NRG3: variants seen among roughly 807,000 people sequenced by gnomAD.
NRG3 encodes the protein pro-neuregulin-3, membrane-bound isoform.
A neutral mutation model predicts 66.9 loss-of-function variants in NRG3; 31 were observed. The ratio of observed to expected loss-of-function variants is 0.46; its 90% CI spans 0.35 to 0.63. The LOEUF (loss-of-function observed/expected upper bound fraction) is 0.63, where lower values mean the gene tolerates loss of function less well. Among genes scored for constraint, NRG3 ranks in the 20% least tolerant of loss-of-function variants. NRG3 has a pLI of 0.00. For missense variants in NRG3, 910 were observed against 878.9 expected, an observed-to-expected ratio of 1.04 and a Z score of -0.45; for synonymous variants, 393 against 359.4, an observed-to-expected ratio of 1.09 and a Z score of -1.06.
chr10:82,582,812 G>A (rs2046441174), intron 2 of NRG3, among the ~76,000 whole-genome samples: 1 of 152,002 alleles, frequency 6.6e-6, no homozygotes, highest in Non-Finnish European at 1.5e-5. Context: ...TGGTCAAAGT[G>A]CTTTACATTT....
At chr10:82,513,424 C>T (rs1281447703) in intron 2 of NRG3, among the ~76,000 whole-genome samples, 2 of 152,142 alleles carry the variant, frequency 1.3e-5, no homozygotes, top group Non-Finnish European at 2.9e-5. Flanking sequence ...TATATGCGTG[C>T]ATGTATCTGT....
intron 1 of NRG3, among the ~76,000 whole-genome samples, chr10:82,059,503 T>TAGGA (rs2064021609): frequency 6.6e-6 from 1 of 152,056 alleles, no homozygotes; most frequent in South Asian, 2.1e-4. Context: ...AAAAACGTGA[T>TAGGA]AGAAGGAGGA....
intron 1 of NRG3, among the ~76,000 whole-genome samples, chr10:82,346,209 G>A (rs2083012075): frequency 6.7e-6 from 1 of 149,114 alleles, no homozygotes; most frequent in Non-Finnish European, 1.5e-5. Context: ...GTTTGTCATA[G>A]ATAGCTCTTA....
chr10:82,582,497 G>A lies in NRG3; in HGVS notation c.954-156080G>A, dbSNP rs185857535. 1.7e-4 allele frequency among the ~76,000 whole-genome samples: 26 copies of A among 152,136 alleles called. No homozygotes were observed. In the East Asian group the frequency reaches 4.3e-3, roughly 25 times the overall value. On this transcript the variant is annotated intron_variant, in intron 2 of 8. Coordinates refer to ENST00000372141, the MANE Select transcript of NRG3 (RefSeq NM_001010848.4). ...AGTCTTCTCAGTTAGATCATTCTTG[G>A]ACATCTGTTCAGCTTAAAAATCAGA...
At chr10:82,973,346 T>G (rs1477697944) in intron 6 of NRG3, among the ~76,000 whole-genome samples, 4 of 152,354 alleles carry the variant, frequency 2.6e-5, no homozygotes, top group Admixed American at 1.3e-4. Context: ...CCAGATATTC[T>G]GAACCAATGT....
chr10:81,968,253 A>C (rs1402851659), intron 1 of NRG3, among the ~76,000 whole-genome samples: 1 of 152,176 alleles, frequency 6.6e-6, no homozygotes, highest in Non-Finnish European at 1.5e-5. Flanking sequence ...GCCAAATGCC[A>C]ATCAGTGAGT....
intron 1 of NRG3, chr10:81,877,922 A>G: frequency 6.5e-7 from 1 of 1,537,236 alleles, no homozygotes; most frequent in Non-Finnish European, 8.7e-7. Flanking sequence ...TGAAGACCCC[A>G]GATTTTTGAT....
intron 3 of NRG3, among the ~76,000 whole-genome samples, chr10:82,805,072 C>T (rs763865264): frequency 6.6e-6 from 1 of 152,178 alleles, no homozygotes; most frequent in Non-Finnish European, 1.5e-5. Context: ...GTATTATGCA[C>T]ACAAATCCCC....
intron 3 of NRG3, among the ~76,000 whole-genome samples, chr10:82,802,971 C>A (rs571229216): frequency 1.8e-4 from 27 of 152,272 alleles, no homozygotes; most frequent in African/African-American, 6.3e-4. Flanking sequence ...TCGCACCCAG[C>A]CTCCCTAGGT....
intron 1 of NRG3, among the ~76,000 whole-genome samples, chr10:81,880,578 C>G (rs1306535298): frequency 6.6e-6 from 1 of 152,096 alleles, no homozygotes; most frequent in Non-Finnish European, 1.5e-5. Context: ...TTTCTCAGCC[C>G]TTCCTCCCCT....
chr10:82,281,696 G>A (rs562285517), intron 1 of NRG3, among the ~76,000 whole-genome samples: 1 of 152,134 alleles, frequency 6.6e-6, no homozygotes, highest in Non-Finnish European at 1.5e-5. Flanking sequence ...AGCCAGAGGT[G>A]CTTTCCCTGA....
At chr10:82,230,574 C>CTGAGATTTTTTTAAATCT (rs2076406955) in intron 1 of NRG3, among the ~76,000 whole-genome samples, 1 of 150,570 alleles carries the variant, frequency 6.6e-6, no homozygotes, top group Non-Finnish European at 1.5e-5. Flanking sequence ...AATCTAGTTG[C>CTGAGATTTTTTTAAATCT]CAGATTCCTT....
At chr10:81,955,058 T>C (rs1449899825) in intron 1 of NRG3, among the ~76,000 whole-genome samples, 1 of 151,292 alleles carries the variant, frequency 6.6e-6, no homozygotes, top group African/African-American at 2.4e-5. Flanking sequence ...TTACATTATA[T>C]ATATATGTAG....
chr10:82,053,516 T>C (rs1242220429), intron 1 of NRG3, among the ~76,000 whole-genome samples: 2 of 152,184 alleles, frequency 1.3e-5, no homozygotes, highest in East Asian at 1.9e-4. Context: ...CTATATTCCA[T>C]TGTTGAGAAT....
intron 4 of NRG3, among the ~76,000 whole-genome samples, chr10:82,897,773 G>A (rs1301609122): frequency 6.6e-6 from 1 of 152,134 alleles, no homozygotes; most frequent in African/African-American, 2.4e-5. Flanking sequence ...ACCCGCCTCA[G>A]CCTCCCAAAG....
At chr10:82,062,093 T>C (rs531087365) in intron 1 of NRG3, among the ~76,000 whole-genome samples, 1 of 152,252 alleles carries the variant, frequency 6.6e-6, no homozygotes, top group Admixed American at 6.5e-5. Flanking sequence ...AGTCTGGACA[T>C]TGGGCACAAT....
chr10:82,384,452 C>G (rs1182158730), intron 2 of NRG3, among the ~76,000 whole-genome samples: 1 of 152,076 alleles, frequency 6.6e-6, no homozygotes, highest in Non-Finnish European at 1.5e-5. Context: ...TCTGACAGGC[C>G]CAAGTGTGTG....
intron 2 of NRG3, among the ~76,000 whole-genome samples, chr10:82,588,737 A>C (rs2046819209): frequency 6.6e-6 from 1 of 152,024 alleles, no homozygotes; most frequent in African/African-American, 2.4e-5. Flanking sequence ...TCCCGACCTC[A>C]TGATCTGCCC....
chr10:82,506,955 C>G (rs1773470572), intron 2 of NRG3, among the ~76,000 whole-genome samples: 1 of 152,112 alleles, frequency 6.6e-6, no homozygotes, highest in South Asian at 2.1e-4. Flanking sequence ...ATTTCACTGC[C>G]TTTGTGTGAT....
Sources: allele counts gnomAD v4.1 joint callset (sites outside exome capture counted in the v4.1 genomes callset), GRCh38; gene constraint gnomAD v4.1.1; transcripts MANE v1.5; gene names NCBI Gene and HGNC (gene_info 2026-07-23, HGNC 2026-07-21).